Variants in GRID1 observed in about 807,000 individuals in gnomAD.
The protein encoded by GRID1 is glutamate receptor ionotropic, delta-1.
In GRID1, 28 loss-of-function variants were observed where a neutral mutation model predicts 98.0. The observed-to-expected ratio is 0.29, with a 90% CI of 0.21 to 0.39. The LOEUF (loss-of-function observed/expected upper bound fraction) is 0.39, where lower values mean the gene tolerates loss of function less well. Ranked by LOEUF, GRID1 falls within the 10% of genes least tolerant of loss-of-function variation. The probability of loss-of-function intolerance (pLI) is 1.00; values close to 1 mark genes in which losing one functional copy is unlikely to be tolerated. For synonymous variants in GRID1, 553 were observed against 538.5 expected, an observed-to-expected ratio of 1.03 and a Z score of -0.37; for missense variants, 1,111 against 1,340.5, an observed-to-expected ratio of 0.83 and a Z score of 2.67.
intron 8 of GRID1, among the ~76,000 whole-genome samples, chr10:85,804,020 G>T (rs986834438): frequency 1.0e-4 from 15 of 150,076 alleles, no homozygotes; most frequent in Non-Finnish European, 3.0e-5. Flanking sequence ...AAAATAAATA[G>T]AATTAATGGA....
chr10:86,097,103 G>T (rs780600418), intron 4 of GRID1, among the ~76,000 whole-genome samples: 1 of 152,190 alleles, frequency 6.6e-6, no homozygotes, highest in Non-Finnish European at 1.5e-5. Context: ...TGGCCTTAAA[G>T]TGTGAGTGAC....
intron 2 of GRID1, among the ~76,000 whole-genome samples, chr10:86,280,806 T>A (rs935303680): frequency 6.6e-6 from 1 of 152,208 alleles, no homozygotes; most frequent in African/African-American, 2.4e-5. Flanking sequence ...TGTCAGTGCA[T>A]AACATATCCA....
intron 2 of GRID1, among the ~76,000 whole-genome samples, chr10:86,309,477 T>C (rs1485344305): frequency 6.6e-6 from 1 of 152,212 alleles, no homozygotes; most frequent in African/African-American, 2.4e-5. Flanking sequence ...TGCATGCTCA[T>C]GTGTCCTGGG....
intron 2 of GRID1, among the ~76,000 whole-genome samples, chr10:86,342,678 C>T (rs1306419766): frequency 6.6e-6 from 1 of 152,212 alleles, no homozygotes; most frequent in African/African-American, 2.4e-5. Flanking sequence ...CCCTAGGGAG[C>T]CCACGCTGCT....
chr10:86,132,793 A>G (rs1337510760), intron 4 of GRID1, among the ~76,000 whole-genome samples: 6 of 152,246 alleles, frequency 3.9e-5, no homozygotes, highest in Admixed American at 3.9e-4. Flanking sequence ...GAAGCAATTG[A>G]TTTGAAGACA....
intron 1 of GRID1, among the ~76,000 whole-genome samples, chr10:86,364,618 G>A (rs995631898): frequency 3.3e-5 from 5 of 152,230 alleles, no homozygotes; most frequent in African/African-American, 9.6e-5. Context: ...GCTTTCCTGC[G>A]CAGAGGGGTC....
At chr10:85,820,103 A>G (rs12761781) in intron 8 of GRID1, among the ~76,000 whole-genome samples, 1 of 141,672 alleles carries the variant, frequency 7.1e-6, no homozygotes, top group African/African-American at 2.8e-5. Flanking sequence ...GGCAGGAAGG[A>G]AGGGAGGAAG....
At chr10:85,603,888 C>T (rs1443096258) in intron 15 of GRID1, among the ~76,000 whole-genome samples, 3 of 152,158 alleles carry the variant, frequency 2.0e-5, no homozygotes, top group Non-Finnish European at 4.4e-5. Flanking sequence ...CCCCTGTCCA[C>T]CTTGCAGGGG....
chr10:85,764,692 C>G (rs1441722133), intron 8 of GRID1, among the ~76,000 whole-genome samples: 1 of 152,218 alleles, frequency 6.6e-6, no homozygotes, highest in African/African-American at 2.4e-5. Flanking sequence ...ATCTTCCTCT[C>G]CACTAAGTTA....
intron 13 of GRID1, among the ~76,000 whole-genome samples, chr10:85,630,901 A>T (rs1357495151): frequency 6.6e-6 from 1 of 152,186 alleles, no homozygotes; most frequent in Non-Finnish European, 1.5e-5. Flanking sequence ...TCTCTTGAAC[A>T]CAGGTTTATA....
At chr10:86,262,012 C>G (rs1322500754) in intron 2 of GRID1, among the ~76,000 whole-genome samples, 1 of 152,220 alleles carries the variant, frequency 6.6e-6, no homozygotes, top group Non-Finnish European at 1.5e-5. Flanking sequence ...CTGGCATCGG[C>G]AGGTGAAAAC....
chr10:85,647,001 C>A, intron 13 of GRID1: 12 of 611,752 alleles, frequency 2.0e-5, no homozygotes, highest in Non-Finnish European at 3.5e-5. Context: ...GCCAGCACCA[C>A]TCTACAAAGT....
chr10:85,641,532 C>T (rs1843118064), intron 13 of GRID1, among the ~76,000 whole-genome samples: 1 of 152,142 alleles, frequency 6.6e-6, no homozygotes, highest in Admixed American at 6.5e-5. Flanking sequence ...GAGATTACCA[C>T]CCCATGGGAA....
At chr10:85,851,079 C>A (rs1441323313) in intron 8 of GRID1, among the ~76,000 whole-genome samples, 1 of 152,180 alleles carries the variant, frequency 6.6e-6, no homozygotes, top group African/African-American at 2.4e-5. Context: ...TGGACACGTT[C>A]ATGGAATCCT....
chr10:86,113,787 C>T (rs1589375753), intron 4 of GRID1, among the ~76,000 whole-genome samples: 1 of 152,192 alleles, frequency 6.6e-6, no homozygotes. Context: ...ATGCATCTAT[C>T]TTCAGATAAC....
At chr10:85,971,430 T>A (rs1842406006) in intron 4 of GRID1, among the ~76,000 whole-genome samples, 1 of 152,136 alleles carries the variant, frequency 6.6e-6, no homozygotes, top group African/African-American at 2.4e-5. Context: ...TCATAATACA[T>A]ATGTCCCAAA....
chr10:86,009,816 C>T (rs1842904583), intron 4 of GRID1, among the ~76,000 whole-genome samples: 2 of 152,046 alleles, frequency 1.3e-5, no homozygotes, highest in East Asian at 1.9e-4. Flanking sequence ...CATCAGACAC[C>T]GGAATGGAGA....
chr10:86,013,690 C>T lies in GRID1; in HGVS notation c.727-97451G>A, dbSNP rs117671604. Among the ~76,000 whole-genome samples, 22 of 152,266 alleles carry T rather than the reference C, an allele frequency of 1.4e-4. No individual in the cohort carries two copies. The East Asian group carries it at 3.5e-3, about 24-fold the overall frequency. ...CTTTCTGTCTCTGAGCTACACAGTC[C>T]ATAAGAATTTGACCGTCTGACCAGT... On this transcript the variant is annotated intron_variant, in intron 4 of 15. Transcript: ENST00000327946.
chr10:85,694,597 TATATAA>T (rs1841372733), intron 12 of GRID1, among the ~76,000 whole-genome samples: 2 of 94,838 alleles, frequency 2.1e-5, no homozygotes, highest in Non-Finnish European at 4.2e-5. Flanking sequence ...TATATATATA[TATATAA>T]TGGAATATTA....
Sources: gnomAD v4.1 joint callset for allele counts (sites outside exome capture counted in the v4.1 genomes callset) on GRCh38, gnomAD v4.1.1 for gene constraint, MANE v1.5 for transcripts, NCBI Gene and HGNC (gene_info 2026-07-23, HGNC 2026-07-21) for gene names.